The following LRP2 variants were observed in gnomAD, a reference collection of about 807,000 sequenced individuals.
The protein encoded by LRP2 is LDL receptor related protein 2.
A neutral mutation model predicts 531.0 loss-of-function variants in LRP2; 172 were observed. The observed-to-expected ratio is 0.32, with a 90% CI of 0.29 to 0.37. The LOEUF (loss-of-function observed/expected upper bound fraction) is 0.37, where lower values mean the gene tolerates loss of function less well. Ranked by LOEUF, LRP2 falls within the 10% of genes least tolerant of loss-of-function variation. The pLI is 1.00. For missense variants in LRP2, 5,167 were observed against 5,868.3 expected (o/e 0.88, Z 3.90); for synonymous variants, 1,992 against 2,027.6 (o/e 0.98, Z 0.47).
chr2:169,192,123 T>A, intron 47 of LRP2, 90 bp from the exon 48 acceptor site: 1 of 962,690 alleles, frequency 1.0e-6, no homozygotes, highest in Non-Finnish European at 1.5e-6. Context: ...CCATTCTAAG[T>A]ATGAAAGGAA....
intron 16 of LRP2, among the ~76,000 whole-genome samples, chr2:169,259,893 T>C (rs747390710): frequency 6.6e-6 from 1 of 152,150 alleles, no homozygotes; most frequent in Non-Finnish European, 1.5e-5. Flanking sequence ...TACTACTTTT[T>C]CTCTTCATTT....
intron 1 of LRP2, among the ~76,000 whole-genome samples, chr2:169,356,115 C>T (rs1031202976): frequency 6.6e-6 from 1 of 152,192 alleles, no homozygotes; most frequent in Non-Finnish European, 1.5e-5. Context: ...TGGTCTCAAA[C>T]TCCTAGGCTC....
intron 62 of LRP2, among the ~76,000 whole-genome samples, chr2:169,163,851 A>G (rs1170056105): frequency 6.6e-6 from 1 of 152,196 alleles, no homozygotes; most frequent in Non-Finnish European, 1.5e-5. Flanking sequence ...ATAGACAAGA[A>G]AAAACTCTCA....
Position 169,307,460 on chromosome 2 carries a change from T to G in LRP2, c.311-63A>C, listed in dbSNP as rs16856802. 34,718 of 971,904 alleles carry G rather than the reference T, an allele frequency of 0.036. 807 individuals are homozygous for G. The highest frequency in any genetic ancestry group is 0.055 in the African/African-American group (3,395 of 62,002). The allele number at this position is 971,904 out of a possible 1,614,324, so 60.2% of individuals were successfully genotyped here. A position where few individuals can be genotyped will look rare whatever the true frequency, so the allele number is the denominator to read the frequency against. ...TTGCTAGACACAGACTAATCTATTG[T>G]CATTAACAAGGATATTGGAAAGCAT... On this transcript the variant is annotated intron_variant, in intron 3 of 78. Coordinates refer to ENST00000649046, the MANE Select transcript of LRP2 (RefSeq NM_004525.3).
rs759755090 is a variant in LRP2, at chr2:169,280,402, G to T, written c.1289C>A (p.Ala430Asp). Residue 430 changes from alanine to aspartate, a missense_variant, in exon 11 of 79, where the codon GCT (alanine) becomes GAT (aspartate). Transcript: ENST00000649046. ...SQNRGVAVGV[A>D]FHYHLQRVFW... The stretch of plus-strand genomic sequence containing the variant: ...AACTCTTTGCAGGTGATAGTGGAAA[G>T]CCACACCCACGGCCACTCCACGATT... 2 of 1,614,000 alleles carry T rather than the reference G, an allele frequency of 1.2e-6. No homozygotes were observed. The highest frequency in any genetic ancestry group is 1.7e-5 in the Admixed American group (1 of 59,992).
intron 16 of LRP2, among the ~76,000 whole-genome samples, chr2:169,266,608 G>A (rs192679129): frequency 3.6e-4 from 55 of 152,142 alleles, no homozygotes; most frequent in Admixed American, 2.8e-3. Flanking sequence ...AGGAAATGTG[G>A]GAAGCTGGAA....
At chr2:169,307,181 T>G in intron 4 of LRP2, 100 bp downstream of exon 4, 3 of 822,186 alleles carry the variant, frequency 3.6e-6, no homozygotes, top group South Asian at 2.7e-5. Flanking sequence ...AGAGGCATAT[T>G]GTAGGCATTT....
rs1028644207 is a variant in LRP2, at chr2:169,170,646, C to T, written c.11285G>A (p.Ser3762Asn). 1 of 1,614,012 alleles carries T rather than the reference C, an allele frequency of 6.2e-7. No individual in the cohort carries two copies. The highest frequency in any genetic ancestry group is 1.3e-5 in the African/African-American group (1 of 75,034). The part of the protein sequence containing the change: ...ENCAPRECTE[S>N]EFRCVNQQCI... ...CTGCTGATTGACACATCGAAACTCG[C>T]TCTCTGTGCACTCCCGGGGAGCTGG... The change falls in exon 59 of 79, where the codon AGC (serine) becomes AAC (asparagine). Residue 3762 changes from serine to asparagine, a missense_variant. Physicochemically the swap from Ser to Asn is conservative, Grantham distance 46. This residue lies in a region of LRP2 where 564 missense variants were observed against 747.7 expected (regional missense o/e 0.75). Coordinates refer to ENST00000649046, the MANE Select transcript of LRP2 (RefSeq NM_004525.3).
At chr2:169,184,813 A>G (rs1687572610) in intron 50 of LRP2, among the ~76,000 whole-genome samples, 1 of 151,668 alleles carries the variant, frequency 6.6e-6, no homozygotes, top group Non-Finnish European at 1.5e-5. Flanking sequence ...CTCAGGCTGG[A>G]GTGCCATGCA....
intron 48 of LRP2, 56 bp from the exon 49 acceptor site, chr2:169,188,321 T>C: frequency 6.4e-7 from 1 of 1,559,346 alleles, no homozygotes; most frequent in East Asian, 2.2e-5. Context: ...ACCTCAACTA[T>C]TACCCACTTG....
At chr2:169,236,240 G>A (rs1689600419) in intron 28 of LRP2, among the ~76,000 whole-genome samples, 172 bp from the exon 29 acceptor site, 1 of 152,184 alleles carries the variant, frequency 6.6e-6, no homozygotes, top group African/African-American at 2.4e-5. Flanking sequence ...AAGTAAAACT[G>A]TCATAACACA....
At position 169,138,687 on chromosome 2, in the gene LRP2, G is replaced by A. The variant is rs923567865; in HGVS notation, c.13408C>T (p.Pro4470Ser). Residue 4470 changes from proline to serine, a missense_variant, in exon 75 of 79, where the codon CCC (proline) becomes TCC (serine). Pro to Ser is a moderately conservative substitution (Grantham distance 74). This residue lies in a region of LRP2 where 348 missense variants were observed against 369.3 expected (regional missense o/e 0.94). Transcript: ENST00000649046. ...GTCACCCCATTCCCATTTTCAGAGG[G>A]CTTGACGAGACTGCTTAAGCTGGAA... ...KLPSLSSLVK[P>S]SENGNGVTFR... 3 of 1,613,936 alleles carry A rather than the reference G, an allele frequency of 1.9e-6. No individual in the cohort carries two copies. Among genetic ancestry groups the A allele is most frequent in the Admixed American group, 1.7e-5 (1 of 59,984 alleles).
intron 1 of LRP2, among the ~76,000 whole-genome samples, chr2:169,338,887 CTA>C (rs1170904713): frequency 6.6e-6 from 1 of 152,190 alleles, no homozygotes; most frequent in Admixed American, 6.5e-5. Flanking sequence ...CTCTTACTAA[CTA>C]TCTGACAGCC....
At position 169,140,807 on chromosome 2, in the gene LRP2, A is replaced by G. The variant is rs192023882; in HGVS notation, c.13109-262T>C. 2.5e-3 allele frequency among the ~76,000 whole-genome samples: 385 copies of G among 152,368 alleles called. 2 individuals are homozygous for G. The highest frequency in any genetic ancestry group is 0.013 in the South Asian group (62 of 4,828). ...AGGTACTAGACTCTGGAGCACATAT[A>G]TTAATAGTTACAAGAACCTAGTGGT... On this transcript the variant is annotated intron_variant, in intron 71 of 78. Coordinates refer to ENST00000649046, the MANE Select transcript of LRP2 (RefSeq NM_004525.3).
chr2:169,257,057 A>G, intron 18 of LRP2, 67 bp downstream of exon 18: 1 of 1,595,196 alleles, frequency 6.3e-7, no homozygotes, highest in Non-Finnish European at 8.6e-7. Flanking sequence ...CATATCACCC[A>G]ACCTGCCTCA....
At chr2:169,220,619 C>A (rs1574147916) in intron 33 of LRP2, 56 bp from the exon 34 acceptor site, 1 of 1,178,776 alleles carries the variant, frequency 8.5e-7, no homozygotes, top group Admixed American at 1.9e-5. Flanking sequence ...CCAAAGGAAA[C>A]TGAGATGAAG....
At chr2:169,130,149 G>A (rs1685231886) in intron 77 of LRP2, among the ~76,000 whole-genome samples, 1 of 152,214 alleles carries the variant, frequency 6.6e-6, no homozygotes, top group South Asian at 2.1e-4. Flanking sequence ...TCTCTTAGAT[G>A]TCATTGCTTC....
At chr2:169,237,432 T>C in intron 27 of LRP2, 145 bp from the exon 28 acceptor site, 1 of 654,808 alleles carries the variant, frequency 1.5e-6, no homozygotes. Context: ...CTCATGTAGC[T>C]AACCACCAAA....
chr2:169,323,142 C>G (rs830977), intron 1 of LRP2, among the ~76,000 whole-genome samples: 64,016 of 151,950 alleles, frequency 0.42, 14,383 homozygotes, highest in African/African-American at 0.59. Flanking sequence ...TTGCAATTAA[C>G]TAATTTTTAT....
Sources: gnomAD v4.1 joint callset for allele counts (sites outside exome capture counted in the v4.1 genomes callset) on GRCh38, gnomAD v4.1.1 for gene constraint, gnomAD v4.1.1 regional missense constraint, MANE v1.5 for transcripts, NCBI Gene and HGNC (gene_info 2026-07-23, HGNC 2026-07-21) for gene names.